Variants in PLEKHA6 observed in about 807,000 individuals in gnomAD.
PLEKHA6 encodes pleckstrin homology domain-containing family A member 6.
In PLEKHA6, 60 loss-of-function variants were observed where a neutral mutation model predicts 116.7. That is an observed-to-expected ratio of 0.51 (90% CI 0.42 to 0.64). The LOEUF (loss-of-function observed/expected upper bound fraction) is 0.64. Ranked by LOEUF, PLEKHA6 falls within the 30% of genes least tolerant of loss-of-function variation. The probability of loss-of-function intolerance (pLI) is 0.00; values close to 1 mark genes in which losing one functional copy is unlikely to be tolerated. For missense variants in PLEKHA6, 1,338 were observed against 1,422.7 expected (o/e 0.94, Z 0.96); for synonymous variants, 489 against 556.1 (o/e 0.88, Z 1.70).
chr1:204,296,308 TCACA>T (rs2103057687), intron 1 of PLEKHA6, among the ~76,000 whole-genome samples: 1 of 152,054 alleles, frequency 6.6e-6, no homozygotes, highest in East Asian at 1.9e-4. Flanking sequence ...CTCTTTCCTC[TCACA>T]CAGTGCTTTG....
Position 204,259,288 on chromosome 1 carries a change from C to T in PLEKHA6, c.977G>A (p.Arg326Gln), listed in dbSNP as rs765347130. The T allele has an allele frequency of 1.4e-5, 22 of 1,613,922 alleles. No individual in the cohort carries two copies. Among genetic ancestry groups the T allele is most frequent in the South Asian group, 9.9e-5 (9 of 91,090 alleles). The change falls in exon 8 of 23, where the codon CGG becomes CAG. Residue 326 changes from arginine (R) to glutamine (Q), a missense_variant. By Grantham distance (43) the Arg-to-Gln change is conservative. This residue lies in a region of PLEKHA6 where 1,136 missense variants were observed against 1,163.6 expected (regional missense o/e 0.98). Transcript: ENST00000272203. The surrounding 1 kb of genome is among the most constrained non-coding windows in gnomAD (Gnocchi z 4.6). The part of the protein sequence containing the change: ...NQLQQWVNLR[R>Q]GVPPPEDLRS... ...AAGGTCTTCAGGCGGGGGTACCCCC[C>T]GGCGCAGATTCACCCACTGCTGAAG...
At chr1:204,345,478 T>A (rs1673006747) in intron 1 of PLEKHA6, among the ~76,000 whole-genome samples, 1 of 151,910 alleles carries the variant, frequency 6.6e-6, no homozygotes, top group Non-Finnish European at 1.5e-5. Context: ...CTCTCCACAC[T>A]CCCCATCTCT....
At chr1:204,274,363 T>C (rs772306114) in intron 2 of PLEKHA6, among the ~76,000 whole-genome samples, 2 of 152,204 alleles carry the variant, frequency 1.3e-5, no homozygotes, top group Non-Finnish European at 2.9e-5. Flanking sequence ...TCCTTTCATT[T>C]GGTGAGCCAG....
intron 2 of PLEKHA6, chr1:204,369,747 C>T (rs1031795848): frequency 6.6e-6 from 1 of 152,216 alleles, no homozygotes; most frequent in African/African-American, 2.4e-5. Context: ...CATTGGCTCA[C>T]AGGCTGGTAT....
At chr1:204,306,595 T>C (rs1671332641) in intron 1 of PLEKHA6, among the ~76,000 whole-genome samples, 1 of 152,244 alleles carries the variant, frequency 6.6e-6, no homozygotes, top group Non-Finnish European at 1.5e-5. Flanking sequence ...ATGGAGACCA[T>C]GCTGGAATGC....
At chr1:204,245,435 TG>T (rs1663508795) in intron 14 of PLEKHA6, among the ~76,000 whole-genome samples, 179 bp downstream of exon 14, 1 of 151,978 alleles carries the variant, frequency 6.6e-6, no homozygotes, top group Admixed American at 6.5e-5. Context: ...GTCTATTCTG[TG>T]GGGGGTAAGG....
At chr1:204,347,131 T>C (rs1322517663) in intron 1 of PLEKHA6, 1 of 1,128,078 alleles carries the variant, frequency 8.9e-7, no homozygotes, top group African/African-American at 1.5e-5. Flanking sequence ...ACCCATTCCC[T>C]TGATGTCTAC....
chr1:204,227,290 C>T (rs1028609455), intron 21 of PLEKHA6, among the ~76,000 whole-genome samples: 11 of 152,184 alleles, frequency 7.2e-5, no homozygotes, highest in African/African-American at 2.4e-4. Context: ...TCTCACTCTA[C>T]CTCTCTATCC....
Position 204,228,009 on chromosome 1 carries a change from G to A in PLEKHA6, c.3031+74C>T. ...CTTTGCTACTGCCCCCCTTGTAGCAGTGCCACGCTTCCTCCCTTAAACCTG... is the reference window on the plus strand; with the variant it reads ...CTTTGCTACTGCCCCCCTTGTAGCAATGCCACGCTTCCTCCCTTAAACCTG... On this transcript the variant is annotated intron_variant, in intron 21 of 22. Transcript: ENST00000272203. This position sits in a 1 kb window ranked among gnomAD's most constrained non-coding sequence, Gnocchi z 4.0. The A allele has an allele frequency of 1.4e-6, 2 of 1,476,624 alleles. No individual in the cohort carries two copies. The highest frequency in any genetic ancestry group is 1.8e-6 in the Non-Finnish European group (2 of 1,086,956). The allele number at this position is 1,476,624 out of a possible 1,614,324, so 91.5% of individuals were successfully genotyped here. A position where few individuals can be genotyped will look rare whatever the true frequency, so the allele number is the denominator to read the frequency against.
intron 1 of PLEKHA6, among the ~76,000 whole-genome samples, chr1:204,350,854 G>A (rs879158673): frequency 8.5e-5 from 13 of 152,184 alleles, no homozygotes; most frequent in African/African-American, 1.4e-4. Context: ...ACAAAGGGTC[G>A]GAAACAGCAC....
In PLEKHA6 at chr1:204,366,811, G is replaced by GTGGCAGATCTAAGTGC. The variant is rs1436205984; in HGVS notation, c.218+972_218+987dup. On this transcript the variant is annotated intron_variant, in intron 3 of 4. Transcript: ENST00000564627. ...GCTAAGCTGATGTAGGTGGTAGATG[G>GTGGCAGATCTAAGTGC]TGGCAGATCTAAGTGCTGGCAGATC... 2.6e-5 allele frequency among the ~76,000 whole-genome samples: 4 copies of GTGGCAGATCTAAGTGC among 152,342 alleles called. No homozygotes were observed. In the East Asian group the frequency reaches 7.7e-4, roughly 29 times the overall value.
At chr1:204,316,078 C>T (rs1032400039) in intron 1 of PLEKHA6, among the ~76,000 whole-genome samples, 9 of 152,152 alleles carry the variant, frequency 5.9e-5, no homozygotes, top group South Asian at 2.1e-4. Context: ...TGGAGTCCCA[C>T]GATGCATGTA....
chr1:204,281,322 A>C lies in PLEKHA6; in HGVS notation c.-94-6513T>G, dbSNP rs531309125. Reference sequence around the variant, plus strand: ...GGGCAGATCACGAGGTCAGGAGATCAAGACCATCCTGGCTAACACAGTGAA... The same window carrying C: ...GGGCAGATCACGAGGTCAGGAGATCCAGACCATCCTGGCTAACACAGTGAA... On this transcript the variant is annotated intron_variant, in intron 1 of 22. Transcript: ENST00000272203. Among the ~76,000 whole-genome samples, 29 of 152,232 alleles carry C rather than the reference A, an allele frequency of 1.9e-4. No individual in the cohort carries two copies. The South Asian group carries it at 5.8e-3, about 31-fold the overall frequency.
At chr1:204,376,203 A>G (rs1228617193) in intron 1 of PLEKHA6, among the ~76,000 whole-genome samples, 3 of 152,238 alleles carry the variant, frequency 2.0e-5, no homozygotes, top group African/African-American at 7.2e-5. Context: ...CTGGATGGCA[A>G]GTAAGAGATC....
At chr1:204,313,441 C>T (rs1671738363) in intron 1 of PLEKHA6, 1 of 381,092 alleles carries the variant, frequency 2.6e-6, no homozygotes, top group Non-Finnish European at 3.6e-6. Context: ...CTCATCTGGC[C>T]TCGGGGACTC....
chr1:204,330,275 A>G (rs1672400141), intron 1 of PLEKHA6, among the ~76,000 whole-genome samples: 1 of 152,202 alleles, frequency 6.6e-6, no homozygotes, highest in Non-Finnish European at 1.5e-5. Context: ...CCGGGATTAC[A>G]AGCATGAGCC....
intron 1 of PLEKHA6, among the ~76,000 whole-genome samples, chr1:204,284,597 C>T (rs1221735802): frequency 6.6e-6 from 1 of 152,096 alleles, no homozygotes; most frequent in East Asian, 1.9e-4. Context: ...TAGGAGAGCA[C>T]TTGCTGCAGA....
intron 1 of PLEKHA6, chr1:204,301,116 C>A (rs900434209): frequency 3.3e-6 from 1 of 306,940 alleles, no homozygotes; most frequent in African/African-American, 2.3e-5. Flanking sequence ...ATGTAATAAA[C>A]AATGTGTACC....
chr1:204,231,783 A>G (rs1661216778), intron 17 of PLEKHA6, among the ~76,000 whole-genome samples: 1 of 152,118 alleles, frequency 6.6e-6, no homozygotes, highest in Admixed American at 6.5e-5. Flanking sequence ...TTTCTTGCTC[A>G]AGCTGTTTTT....
Sources: allele counts gnomAD v4.1 joint callset (sites outside exome capture counted in the v4.1 genomes callset), GRCh38; gene constraint gnomAD v4.1.1; regional missense constraint gnomAD v4.1.1; non-coding constraint Gnocchi (gnomAD v3.1); transcripts MANE v1.5; gene names NCBI Gene and HGNC (gene_info 2026-07-23, HGNC 2026-07-21).